The following TGFBR3 variants were observed in gnomAD, a reference collection of about 807,000 sequenced individuals.
The protein encoded by TGFBR3 is transforming growth factor beta receptor type 3.
A neutral mutation model predicts 87.9 loss-of-function variants in TGFBR3; 46 were observed. The observed-to-expected ratio is 0.52, with a 90% CI of 0.41 to 0.67. The LOEUF is 0.67. TGFBR3 is among the 30% of genes least tolerant of loss of function. The pLI, the probability that TGFBR3 is intolerant of heterozygous loss-of-function variation, is 0.00. For synonymous variants in TGFBR3, 381 were observed against 391.6 expected (o/e 0.97, Z 0.32); for missense variants, 866 against 1,041.9 (o/e 0.83, Z 2.32).
At chr1:91,873,909 C>T (rs1678684005) in intron 1 of TGFBR3, among the ~76,000 whole-genome samples, 1 of 151,170 alleles carries the variant, frequency 6.6e-6, no homozygotes, top group South Asian at 2.1e-4. Context: ...AAGATTGTGC[C>T]ACTGCACTCT....
At chr1:91,777,233 G>A (rs547677418) in intron 3 of TGFBR3, among the ~76,000 whole-genome samples, 1 of 152,262 alleles carries the variant, frequency 6.6e-6, no homozygotes, top group African/African-American at 2.4e-5. Flanking sequence ...TCAGAGGCCT[G>A]TCTACACTGC....
intron 2 of TGFBR3, among the ~76,000 whole-genome samples, chr1:91,823,274 G>T (rs1176625738): frequency 6.6e-6 from 1 of 152,202 alleles, no homozygotes; most frequent in Non-Finnish European, 1.5e-5. Context: ...AGGAAATGAT[G>T]AATCTGTATT....
At chr1:91,826,869 C>G (rs1676659258) in intron 2 of TGFBR3, among the ~76,000 whole-genome samples, 1 of 152,024 alleles carries the variant, frequency 6.6e-6, no homozygotes, top group South Asian at 2.1e-4. Context: ...GAGCCTAGCA[C>G]TTAGTCAACC....
chr1:91,708,918 G>T, intron 13 of TGFBR3, 135 bp from the exon 14 acceptor site: 1 of 1,276,956 alleles, frequency 7.8e-7, no homozygotes, highest in Non-Finnish European at 1.1e-6. Flanking sequence ...AAGAAGGTGG[G>T]TGTTTTTCAG....
intron 5 of TGFBR3, among the ~76,000 whole-genome samples, chr1:91,733,631 T>TA (rs1177033678): frequency 1.6e-4 from 24 of 152,298 alleles, no homozygotes; most frequent in African/African-American, 5.8e-4. Flanking sequence ...CTGAAGACCT[T>TA]AAACGCAGTG....
intron 2 of TGFBR3, among the ~76,000 whole-genome samples, chr1:91,858,263 C>A (rs557565048): frequency 6.6e-6 from 1 of 152,226 alleles, no homozygotes; most frequent in East Asian, 1.9e-4. Flanking sequence ...GCCCAAAAAA[C>A]CATTTTGTAA....
intron 2 of TGFBR3, among the ~76,000 whole-genome samples, chr1:91,858,596 G>T (rs1319834265): frequency 1.6e-5 from 2 of 127,382 alleles, no homozygotes; most frequent in African/African-American, 6.1e-5. Context: ...GCCGGGGCGA[G>T]TGAGACTCTG....
chr1:91,745,775 T>A (rs1180094693), intron 4 of TGFBR3, among the ~76,000 whole-genome samples: 1 of 152,216 alleles, frequency 6.6e-6, no homozygotes, highest in Non-Finnish European at 1.5e-5. Flanking sequence ...CAATGCCTTT[T>A]AAAAAAGCTT....
At chr1:91,890,035 G>A (rs936788433), upstream of TGFBR3, among the ~76,000 whole-genome samples, 1 of 152,128 alleles carries the variant, frequency 6.6e-6, no homozygotes, top group Non-Finnish European at 1.5e-5. Flanking sequence ...AATTTCTCAT[G>A]GAGAACTGCA....
chr1:91,720,228 C>A lies in TGFBR3; in HGVS notation c.1078G>T (p.Glu360Ter). ...TGGACTTCCTCATCTCCCATCTCCTCTGCTGGTGAAAGAAGAAGGCAAAAC... is the reference window on the plus strand; with the variant it reads ...TGGACTTCCTCATCTCCCATCTCCTATGCTGGTGAAAGAAGAAGGCAAAAC... ...RFHLRLENNA[E>*]EMGDEEVHTI... Residue 360 changes from glutamate to a stop codon, truncating the protein, a stop_gained and splice_region_variant, in exon 9 of 17, where the codon GAG becomes TAG. Coordinates refer to ENST00000212355, the MANE Select transcript of TGFBR3 (RefSeq NM_003243.5). LOFTEE classifies it high-confidence loss of function. 1 of 1,586,584 alleles carries A rather than the reference C, an allele frequency of 6.3e-7. No individual in the cohort carries two copies. Among genetic ancestry groups the A allele is most frequent in the East Asian group, 2.3e-5 (1 of 43,710 alleles).
In TGFBR3 at chr1:91,745,610, T is replaced by G. The variant is rs141828680; in HGVS notation, c.385-10651A>C. Among the ~76,000 whole-genome samples, 182 of 152,308 alleles carry G rather than the reference T, an allele frequency of 1.2e-3. 1 individual carries two copies. The highest frequency in any genetic ancestry group is 4.3e-3 in the African/African-American group (179 of 41,564). ...CTGGAACAGCACTGAAATATTTACCTTCCAAATGAAGACTGAACCCTGCAT... is the reference window on the plus strand; with the variant it reads ...CTGGAACAGCACTGAAATATTTACCGTCCAAATGAAGACTGAACCCTGCAT... On this transcript the variant is annotated intron_variant, in intron 4 of 16. Coordinates refer to ENST00000212355, the MANE Select transcript of TGFBR3 (RefSeq NM_003243.5).
chr1:91,745,314 A>G (rs1293276522), intron 4 of TGFBR3, among the ~76,000 whole-genome samples: 1 of 152,216 alleles, frequency 6.6e-6, no homozygotes, highest in East Asian at 1.9e-4. Flanking sequence ...TTAGGAAAAT[A>G]GAAAGAGCAA....
chr1:91,731,392 C>T (rs1034769560), intron 5 of TGFBR3, among the ~76,000 whole-genome samples: 4 of 152,130 alleles, frequency 2.6e-5, no homozygotes, highest in Admixed American at 2.0e-4. Context: ...CTCTGTTTGT[C>T]GGCTCGTTGC....
intron 3 of TGFBR3, among the ~76,000 whole-genome samples, chr1:91,766,011 T>C (rs1205262185): frequency 6.6e-6 from 1 of 152,114 alleles, no homozygotes; most frequent in Non-Finnish European, 1.5e-5. Context: ...CTATGTGCTA[T>C]ACAAACGTAT....
At chr1:91,873,144 A>AT (rs942644737) in intron 1 of TGFBR3, among the ~76,000 whole-genome samples, 14 of 151,634 alleles carry the variant, frequency 9.2e-5, no homozygotes, top group African/African-American at 2.2e-4. Context: ...ACTTTTTAAG[A>AT]TTTTTTTATG....
intron 2 of TGFBR3, among the ~76,000 whole-genome samples, chr1:91,821,238 G>A (rs1676439413): frequency 1.4e-5 from 2 of 146,922 alleles, no homozygotes; most frequent in Non-Finnish European, 3.0e-5. Flanking sequence ...GCTGAGGCAT[G>A]AGAATCACTT....
intron 2 of TGFBR3, among the ~76,000 whole-genome samples, chr1:91,893,726 G>A (rs1460718043): frequency 1.3e-5 from 2 of 151,136 alleles, no homozygotes; most frequent in Non-Finnish European, 1.5e-5. Flanking sequence ...AGAACCAAAA[G>A]ACTTTCTCAT....
At chr1:91,905,221 A>G (rs781245872) in intron 1 of TGFBR3, among the ~76,000 whole-genome samples, 8 of 152,194 alleles carry the variant, frequency 5.3e-5, no homozygotes, top group South Asian at 2.1e-4. Flanking sequence ...TTGAATCCAC[A>G]CTGACACTCT....
chr1:91,820,554 C>T lies in TGFBR3; in HGVS notation c.62-23083G>A, dbSNP rs554528479. ...CAAAAAAATTAGCTGGGCGGGGTGG[C>T]GGGCACCTGTAGTCCCAGCTACTCG... On this transcript the variant is annotated intron_variant, in intron 2 of 16. Coordinates refer to ENST00000212355, the MANE Select transcript of TGFBR3 (RefSeq NM_003243.5). Among the ~76,000 whole-genome samples, 20 of 152,076 alleles carry T rather than the reference C, an allele frequency of 1.3e-4. 1 individual carries two copies. Among genetic ancestry groups the T allele is most frequent in the Admixed American group, 1.0e-3 (16 of 15,288 alleles).
Sources: allele counts gnomAD v4.1 joint callset (sites outside exome capture counted in the v4.1 genomes callset), GRCh38; gene constraint gnomAD v4.1.1; transcripts MANE v1.5; gene names NCBI Gene and HGNC (gene_info 2026-07-23, HGNC 2026-07-21).